Variants in LRP1B observed in about 807,000 individuals in gnomAD.
LRP1B encodes the protein LDL receptor related protein 1B.
In LRP1B, 217 loss-of-function variants were observed where a neutral mutation model predicts 556.6. That is an observed-to-expected ratio of 0.39 (90% CI 0.35 to 0.44). The LOEUF (loss-of-function observed/expected upper bound fraction) is 0.44, where lower values mean the gene tolerates loss of function less well. Ranked by LOEUF, LRP1B falls within the 20% of genes least tolerant of loss-of-function variation. The pLI is 1.00. For missense variants in LRP1B, 5,053 were observed against 5,620.8 expected, an observed-to-expected ratio of 0.90 and a Z score of 3.23; for synonymous variants, 2,047 against 1,865.8, an observed-to-expected ratio of 1.10 and a Z score of -2.50.
intron 31 of LRP1B, among the ~76,000 whole-genome samples, chr2:140,833,638 C>T (rs1691794888): frequency 6.6e-6 from 1 of 152,046 alleles, no homozygotes; most frequent in African/African-American, 2.4e-5. Context: ...TGTCCTTTGG[C>T]TTTAAAGTCA....
At position 141,716,894 on chromosome 2, in the gene LRP1B, C is replaced by T. The variant is rs139802477; in HGVS notation, c.205+93385G>A. On this transcript the variant is annotated intron_variant, in intron 2 of 90. Transcript: ENST00000389484. ...GCAAAATAAATTAGCAATTTTGAACCTTTTTTTCCATACTTGCCTACTGCC... is the reference window on the plus strand; with the variant it reads ...GCAAAATAAATTAGCAATTTTGAACTTTTTTTTCCATACTTGCCTACTGCC... Among the ~76,000 whole-genome samples the T allele has an allele frequency of 2.0e-5, 3 of 152,148 alleles. No homozygotes were observed. The East Asian group carries it at 5.8e-4, about 29-fold the overall frequency.
At chr2:141,257,797 T>C (rs1407263175) in intron 3 of LRP1B, among the ~76,000 whole-genome samples, 1 of 152,232 alleles carries the variant, frequency 6.6e-6, no homozygotes, top group Non-Finnish European at 1.5e-5. Flanking sequence ...GAACTAACAA[T>C]ATGAATACTA....
Position 141,615,561 on chromosome 2 carries a change from TTAATA to T in LRP1B, c.206-135033_206-135029del, listed in dbSNP as rs143596519. 2.2e-3 allele frequency among the ~76,000 whole-genome samples: 190 copies of T among 85,742 alleles called. 1 individual carries two copies. Among genetic ancestry groups the T allele is most frequent in the Middle Eastern group, 7.2e-3 (1 of 138 alleles). 56.3% of individuals were successfully genotyped at this position (85,742 alleles called of 152,430 possible). ...CCAAATGATTTATAAAATTTTATATTTAATATAATTCTTGAAATTACAAAAATAAT... is the reference window on the plus strand; with the variant it reads ...CCAAATGATTTATAAAATTTTATATTTAATTCTTGAAATTACAAAAATAAT... On this transcript the variant is annotated intron_variant, in intron 2 of 90. Coordinates refer to ENST00000389484, the MANE Select transcript of LRP1B (RefSeq NM_018557.3).
chr2:141,814,390 A>T (rs1696462556), intron 1 of LRP1B, among the ~76,000 whole-genome samples: 1 of 152,108 alleles, frequency 6.6e-6, no homozygotes, highest in Admixed American at 6.6e-5. Context: ...CTCCTCTCTC[A>T]TCAGGATCTG....
intron 2 of LRP1B, among the ~76,000 whole-genome samples, chr2:141,673,623 G>A (rs1027045958): frequency 7.2e-5 from 11 of 151,950 alleles, no homozygotes; most frequent in South Asian, 2.1e-4. Context: ...ATTTTTTCAC[G>A]GTTGTATAAC....
intron 3 of LRP1B, among the ~76,000 whole-genome samples, chr2:141,416,965 A>G (rs1268382316): frequency 6.6e-6 from 1 of 152,172 alleles, no homozygotes; most frequent in African/African-American, 2.4e-5. Flanking sequence ...CCACTATAGA[A>G]TAATTACCAG....
intron 18 of LRP1B, among the ~76,000 whole-genome samples, chr2:140,959,999 C>T (rs895259325): frequency 6.8e-6 from 1 of 147,072 alleles, no homozygotes; most frequent in East Asian, 2.0e-4. Context: ...TTCATTTTTG[C>T]TACTTTTAAA....
At chr2:141,890,390 A>ATGTATTGT (rs375936846) in intron 1 of LRP1B, among the ~76,000 whole-genome samples, 6 of 135,968 alleles carry the variant, frequency 4.4e-5, no homozygotes, top group Admixed American at 1.5e-4. Flanking sequence ...ATACATATAT[A>ATGTATTGT]GTGTATATAT....
intron 1 of LRP1B, among the ~76,000 whole-genome samples, chr2:142,024,301 C>T (rs1158560419): frequency 1.3e-5 from 2 of 152,220 alleles, no homozygotes; most frequent in African/African-American, 4.8e-5. Context: ...CAAAGCTTCA[C>T]GTTTCAGTTA....
intron 3 of LRP1B, among the ~76,000 whole-genome samples, chr2:141,438,477 C>T (rs1461911219): frequency 1.3e-5 from 2 of 152,120 alleles, no homozygotes; most frequent in African/African-American, 2.4e-5. Flanking sequence ...CATATGCCTG[C>T]CACTTGTTAG....
intron 3 of LRP1B, among the ~76,000 whole-genome samples, chr2:141,473,613 A>G (rs959819650): frequency 6.6e-6 from 1 of 152,168 alleles, no homozygotes; most frequent in Non-Finnish European, 1.5e-5. Context: ...ATACAGCAGA[A>G]TCTACTCTTA....
At chr2:140,250,352 TG>T (rs1277610012) in intron 86 of LRP1B, among the ~76,000 whole-genome samples, 1 of 151,802 alleles carries the variant, frequency 6.6e-6, no homozygotes, top group African/African-American at 2.4e-5. Context: ...AACAGATGGA[TG>T]GATAGACAGA....
chr2:141,825,650 G>A (rs577405645), intron 1 of LRP1B, among the ~76,000 whole-genome samples: 1 of 152,156 alleles, frequency 6.6e-6, no homozygotes, highest in East Asian at 1.9e-4. Flanking sequence ...TATGAAATAT[G>A]ACGAAAAGTT....
At chr2:141,146,082 G>T (rs1452730964) in intron 7 of LRP1B, among the ~76,000 whole-genome samples, 1 of 151,690 alleles carries the variant, frequency 6.6e-6, no homozygotes, top group Non-Finnish European at 1.5e-5. Flanking sequence ...ATGCCACCAT[G>T]CCCGGCTAAT....
intron 25 of LRP1B, among the ~76,000 whole-genome samples, chr2:140,875,862 A>G (rs562996703): frequency 2.0e-4 from 30 of 152,278 alleles, no homozygotes; most frequent in African/African-American, 7.2e-4. Context: ...CTTTGTGTAC[A>G]TTATCAGTAA....
intron 66 of LRP1B, among the ~76,000 whole-genome samples, chr2:140,404,070 C>A (rs530212350): frequency 6.6e-6 from 1 of 151,622 alleles, no homozygotes; most frequent in Non-Finnish European, 1.5e-5. Context: ...CAAACAAATG[C>A]TTAGGGAATT....
chr2:141,645,173 A>T (rs1689507594), intron 2 of LRP1B, among the ~76,000 whole-genome samples: 1 of 152,134 alleles, frequency 6.6e-6, no homozygotes, highest in Admixed American at 6.6e-5. Context: ...GTAGGTTGCC[A>T]AGGAAGGGCA....
chr2:140,817,989 G>A (rs189133253), intron 31 of LRP1B, among the ~76,000 whole-genome samples: 1 of 152,122 alleles, frequency 6.6e-6, no homozygotes, highest in Admixed American at 6.5e-5. Flanking sequence ...GGCTGGTCCT[G>A]GGCCTCAGTA....
At chr2:140,548,900 G>T (rs1457939605) in intron 43 of LRP1B, among the ~76,000 whole-genome samples, 2 of 152,058 alleles carry the variant, frequency 1.3e-5, no homozygotes, top group African/African-American at 2.4e-5. Flanking sequence ...ACTCCAGCCT[G>T]GGTGACAGAG....
Sources: allele counts gnomAD v4.1 joint callset (sites outside exome capture counted in the v4.1 genomes callset), GRCh38; gene constraint gnomAD v4.1.1; transcripts MANE v1.5; gene names NCBI Gene and HGNC (gene_info 2026-07-23, HGNC 2026-07-21).